Variants in CHML observed in about 807,000 individuals in gnomAD.
CHML encodes the protein CHM like Rab escort protein, also known as rab proteins geranylgeranyltransferase component A 2.
A neutral mutation model predicts 30.4 loss-of-function variants in CHML; 20 were observed. That is an observed-to-expected ratio of 0.66 (90% CI 0.46 to 0.95). CHML has a LOEUF of 0.95. Ranked by LOEUF, CHML falls within the 40% of genes least tolerant of loss-of-function variation. The pLI is 0.00. For missense variants in CHML, 795 were observed against 768.5 expected (o/e 1.03, Z -0.41); for synonymous variants, 281 against 275.0 (o/e 1.02, Z -0.22).
Position 241,632,599 on chromosome 1 carries a change from T to G in CHML, c.*1197A>C, listed in dbSNP as rs962623907. On this transcript the variant is annotated 3_prime_UTR_variant, in exon 2 of 2. Coordinates refer to ENST00000366553, the MANE Select transcript of CHML (RefSeq NM_001381853.1). ...CCAGTTTTATGACGTTGGGTGGCTC[T>G]GGGAGAAAAAAAGTTTCTATACTCT... 3 of 152,024 alleles carry G rather than the reference T, an allele frequency of 2.0e-5. No homozygotes were observed. Among genetic ancestry groups the G allele is most frequent in the Admixed American group, 1.3e-4 (2 of 15,264 alleles). The allele number at this position is 152,024 out of a possible 1,614,324, so 9.4% of individuals were successfully genotyped here.
At position 241,640,018 on chromosome 1, in the gene CHML, G is replaced by C. The variant is rs1405828467; in HGVS notation, c.-444C>G. Reference sequence around the variant, plus strand: ...GGTCGCTGAGGCTGATGTTGACCAGGAGGAGGTGAGTGGGAGTGCGGAGCC... The same window carrying C: ...GGTCGCTGAGGCTGATGTTGACCAGCAGGAGGTGAGTGGGAGTGCGGAGCC... On this transcript the variant is annotated 5_prime_UTR_variant, in exon 1 of 2. Transcript: ENST00000366553. The C allele has an allele frequency of 1.9e-6, 3 of 1,613,434 alleles. No homozygotes were observed. Among genetic ancestry groups the C allele is most frequent in the East Asian group, 2.2e-5 (1 of 44,762 alleles).
chr1:241,630,417 T>G lies in CHML; in HGVS notation c.*3379A>C, dbSNP rs1009191137. 3 of 152,122 alleles carry G rather than the reference T, an allele frequency of 2.0e-5. No individual in the cohort carries two copies. Among genetic ancestry groups the G allele is most frequent in the Non-Finnish European group, 4.4e-5 (3 of 67,942 alleles). The allele number at this position is 152,122 out of a possible 1,614,324, so 9.4% of individuals were successfully genotyped here. ...ATATATATTAATAACCAAACACACT[T>G]TTTAAATTGCAGTTTGTCACTGCTA... is the stretch of plus-strand genomic sequence containing the variant. On this transcript the variant is annotated 3_prime_UTR_variant, in exon 2 of 2. Transcript: ENST00000366553.
Position 241,629,783 on chromosome 1 carries a change from C to T in CHML, c.*4013G>A, listed in dbSNP as rs140782400. 1.1e-3 allele frequency: 161 copies of T among 152,168 alleles called. 2 individuals carry two copies. In the East Asian group the frequency reaches 0.028, roughly 27 times the overall value. 9.4% of individuals were successfully genotyped at this position (152,168 alleles called of 1,614,324 possible). A position where few individuals can be genotyped will look rare whatever the true frequency, so the allele number is the denominator to read the frequency against. On this transcript the variant is annotated 3_prime_UTR_variant, in exon 2 of 2. Coordinates refer to ENST00000366553, the MANE Select transcript of CHML (RefSeq NM_001381853.1). ...CCACACTGACATCTAGCTAGTCTTTCCACCAGCAGTTATTAATATTTCTTT... is the reference window on the plus strand; with the variant it reads ...CCACACTGACATCTAGCTAGTCTTTTCACCAGCAGTTATTAATATTTCTTT...
Position 241,640,283 on chromosome 1 carries a change from G to C in CHML, c.-709C>G. ...CCGGCGCCGGCGCGCCTGGCGGGCG[G>C]AGGCGCTCAGCTTGCGGCGGGGCTC... On this transcript the variant is annotated 5_prime_UTR_variant, in exon 1 of 2. Transcript: ENST00000366553. The C allele has an allele frequency of 1.2e-5, 14 of 1,161,254 alleles. No individual in the cohort carries two copies. The highest frequency in any genetic ancestry group is 1.5e-5 in the Non-Finnish European group (14 of 945,408). 71.9% of individuals were successfully genotyped at this position (1,161,254 alleles called of 1,614,324 possible).
rs1193201364 is a variant in CHML at position 241,636,055 on chromosome 1, T to C, written c.-289A>G. On this transcript the variant is annotated 5_prime_UTR_variant, in exon 2 of 2. Coordinates refer to ENST00000366553, the MANE Select transcript of CHML (RefSeq NM_001381853.1). ...ATGTCAAAATGCATCATATATGCAT[T>C]TGTGACTGGAACTCTTCTCTGAAAG... 5 of 456,320 alleles carry C rather than the reference T, an allele frequency of 1.1e-5. No homozygotes were observed. The highest frequency in any genetic ancestry group is 7.6e-5 in the Admixed American group (2 of 26,278). The allele number at this position is 456,320 out of a possible 1,614,324, so 28.3% of individuals were successfully genotyped here.
Position 241,634,160 on chromosome 1 carries a change from G to A in CHML, c.1607C>T (p.Thr536Ile), listed in dbSNP as rs376250907. ...VKKLFTPYTE[T>I]EINEEELTKP... is the part of the protein sequence containing the mutation. ...TGTAAGTTCTTCCTCGTTTATTTCT[G>A]TTTCAGTATACGGAGTGAATAATTT... The change falls in exon 2 of 2, where the codon ACA becomes ATA. Residue 536 changes from threonine (T) to isoleucine (I), a missense_variant. Transcript: ENST00000366553. 2 of 1,613,596 alleles carry A rather than the reference G, an allele frequency of 1.2e-6. No individual in the cohort carries two copies. The highest frequency in any genetic ancestry group is 2.7e-5 in the African/African-American group (2 of 74,866).
Position 241,635,597 on chromosome 1 carries a change from G to T in CHML, c.170C>A (p.Ser57Tyr), listed in dbSNP as rs746250454. The change falls in exon 2 of 2, where the codon TCC becomes TAC. Residue 57 changes from serine (S) to tyrosine (Y), a missense_variant. By Grantham distance (144) the Ser-to-Tyr change is moderately radical. Transcript: ENST00000366553. ...GTTTTGCTGATACTCCTTCAACCAG[G>T]ATAGCAATCCTGAAAAGCTGAAACT... ...WASFSFSGLLSWLKEYQQNND... is the reference protein window; with the variant it reads ...WASFSFSGLLYWLKEYQQNND... 6 of 1,613,944 alleles carry T rather than the reference G, an allele frequency of 3.7e-6. No homozygotes were observed. Among genetic ancestry groups the T allele is most frequent in the South Asian group, 1.1e-5 (1 of 91,082 alleles).
At position 241,635,914 on chromosome 1, in the gene CHML, A is replaced by C. The variant is rs1664880871; in HGVS notation, c.-148T>G. ...AGCTGTTTAACGGTTACCCTTTTAA[A>C]ATATTTTTTTTCTTATAAGTCAGTA... On this transcript the variant is annotated 5_prime_UTR_variant, in exon 2 of 2. It adds an upstream start codon to the 5' untranslated region. Coordinates refer to ENST00000366553, the MANE Select transcript of CHML (RefSeq NM_001381853.1). 1.1e-5 allele frequency: 8 copies of C among 726,418 alleles called. No homozygotes were observed. The highest frequency in any genetic ancestry group is 1.8e-5 in the Non-Finnish European group (8 of 449,888). The allele number at this position is 726,418 out of a possible 1,614,324, so 45.0% of individuals were successfully genotyped here.
rs1282721726 is a variant in CHML, at chr1:241,630,868, C to G, written c.*2928G>C. Reference sequence around the variant, plus strand: ...TTTTGATGCTGATTTAATGGCTGTTCTGCTTAACACCAGCCTTATAATCCT... The same window carrying G: ...TTTTGATGCTGATTTAATGGCTGTTGTGCTTAACACCAGCCTTATAATCCT... On this transcript the variant is annotated 3_prime_UTR_variant, in exon 2 of 2. Transcript: ENST00000366553. 6.6e-6 allele frequency: 1 copy of G among 152,008 alleles called. No individual in the cohort carries two copies. The highest frequency in any genetic ancestry group is 6.6e-5 in the Admixed American group (1 of 15,254). The allele number at this position is 152,008 out of a possible 1,614,324, so 9.4% of individuals were successfully genotyped here. A position where few individuals can be genotyped will look rare whatever the true frequency, so the allele number is the denominator to read the frequency against.
At position 241,630,985 on chromosome 1, in the gene CHML, CT is replaced by C. The variant is rs764270820; in HGVS notation, c.*2810del. The C allele has an allele frequency of 6.6e-6, 1 of 151,916 alleles. No individual in the cohort carries two copies. The highest frequency in any genetic ancestry group is 1.5e-5 in the Non-Finnish European group (1 of 67,928). 9.4% of individuals were successfully genotyped at this position (151,916 alleles called of 1,614,324 possible). ...GAGAATAAAATCCTTCTAAAAATGTCTTTTAGTACTGAGAACATGTCTGCCT... is the reference window on the plus strand; with the variant it reads ...GAGAATAAAATCCTTCTAAAAATGTCTTTAGTACTGAGAACATGTCTGCCT... On this transcript the variant is annotated 3_prime_UTR_variant, in exon 2 of 2. Transcript: ENST00000366553.
At chr1:241,638,137 C>G (rs1573970387) in intron 1 of CHML, among the ~76,000 whole-genome samples, 1 of 152,196 alleles carries the variant, frequency 6.6e-6, no homozygotes, top group Non-Finnish European at 1.5e-5. Context: ...GTTTCCACCT[C>G]TACATTAAAA....
At position 241,629,456 on chromosome 1, in the gene CHML, C is replaced by T. The variant is rs1664531487; in HGVS notation, c.*4340G>A. The T allele has an allele frequency of 6.6e-6, 1 of 152,038 alleles. No individual in the cohort carries two copies. The highest frequency in any genetic ancestry group is 2.4e-5 in the African/African-American group (1 of 41,402). 9.4% of individuals were successfully genotyped at this position (152,038 alleles called of 1,614,324 possible). ...TACCATTCAAATTGATTTTTTATAT[C>T]ATTTATACACGATCGCTTTATAAAT... On this transcript the variant is annotated 3_prime_UTR_variant, in exon 2 of 2. Transcript: ENST00000366553.
chr1:241,628,877 CTT>C lies in CHML; in HGVS notation c.*4917_*4918del, dbSNP rs1558445298. ...TCAGTAAACCACTTTACCAATTAAT[CTT>C]TTATTTTTTATTGCATACATCAATA... On this transcript the variant is annotated 3_prime_UTR_variant, in exon 2 of 2. Transcript: ENST00000366553. 2.6e-5 allele frequency: 4 copies of C among 152,516 alleles called. No homozygotes were observed. Among genetic ancestry groups the C allele is most frequent in the African/African-American group, 9.7e-5 (4 of 41,438 alleles). The allele number at this position is 152,516 out of a possible 1,614,324, so 9.4% of individuals were successfully genotyped here.
In CHML at chr1:241,640,225, G is replaced by A. The variant is rs1391388187; in HGVS notation, c.-651C>T. 1.4e-5 allele frequency: 19 copies of A among 1,329,058 alleles called. No homozygotes were observed. Among genetic ancestry groups the A allele is most frequent in the South Asian group, 2.0e-5 (1 of 49,336 alleles). 82.3% of individuals were successfully genotyped at this position (1,329,058 alleles called of 1,614,324 possible). On this transcript the variant is annotated 5_prime_UTR_variant, in exon 1 of 2. It adds an upstream start codon to the 5' untranslated region. Coordinates refer to ENST00000366553, the MANE Select transcript of CHML (RefSeq NM_001381853.1). Reference sequence around the variant, plus strand: ...CGGCCCCGCCGCCGTCCCAGTAGCCGTGGCCGCCGCTGCGGTTCCCCGAGT... The same window carrying A: ...CGGCCCCGCCGCCGTCCCAGTAGCCATGGCCGCCGCTGCGGTTCCCCGAGT...
At position 241,634,273 on chromosome 1, in the gene CHML, G is replaced by A. The variant is rs1205797324; in HGVS notation, c.1494C>T (p.Thr498=). 1 of 1,613,914 alleles carries A rather than the reference G, an allele frequency of 6.2e-7. No homozygotes were observed. The highest frequency in any genetic ancestry group is 8.5e-7 in the Non-Finnish European group (1 of 1,179,912). The change falls in exon 2 of 2, where the codon ACC becomes ACT. Residue 498 remains threonine, a synonymous_variant. Coordinates refer to ENST00000366553, the MANE Select transcript of CHML (RefSeq NM_001381853.1). ...GATAGGTGTCCTTCATGCATGTCAT[G>A]GTTGAAGAACATAATTCTGTGACCC... ...AVRVTELCSS[T]MTCMKDTYLV...
At position 241,634,139 on chromosome 1, in the gene CHML, A is replaced by C. The variant is rs775779940; in HGVS notation, c.1628T>G (p.Leu543Arg). 1 of 1,613,042 alleles carries C rather than the reference A, an allele frequency of 6.2e-7. No individual in the cohort carries two copies. Among genetic ancestry groups the C allele is most frequent in the Admixed American group, 1.7e-5 (1 of 59,788 alleles). Reference protein sequence around the residue: ...YTETEINEEELTKPRLLWALY... With the variant: ...YTETEINEEERTKPRLLWALY... ...AGCCCACAAGAGTCTTGGCTTTGTA[A>C]GTTCTTCCTCGTTTATTTCTGTTTC... Residue 543 changes from leucine (L) to arginine (R), a missense_variant, in exon 2 of 2, where the codon CTT becomes CGT. Physicochemically the swap from Leu to Arg is moderately radical, Grantham distance 102. Transcript: ENST00000366553.
rs901109461 is a variant in CHML at position 241,631,903 on chromosome 1, G to C, written c.*1893C>G. The C allele has an allele frequency of 2.0e-5, 3 of 152,122 alleles. No individual in the cohort carries two copies. Among genetic ancestry groups the C allele is most frequent in the Admixed American group, 2.0e-4 (3 of 15,272 alleles). 9.4% of individuals were successfully genotyped at this position (152,122 alleles called of 1,614,324 possible). A position where few individuals can be genotyped will look rare whatever the true frequency, so the allele number is the denominator to read the frequency against. The stretch of plus-strand genomic sequence containing the variant: ...CTCTAACAGTGAATGTTAGTAGAAA[G>C]ATCAAAGGTTTTAGAATCACAAAAG... On this transcript the variant is annotated 3_prime_UTR_variant, in exon 2 of 2. Coordinates refer to ENST00000366553, the MANE Select transcript of CHML (RefSeq NM_001381853.1).
chr1:241,635,607 C>G lies in CHML; in HGVS notation c.160G>C (p.Gly54Arg), dbSNP rs1558448332. 3 of 1,614,078 alleles carry G rather than the reference C, an allele frequency of 1.9e-6. No homozygotes were observed. The highest frequency in any genetic ancestry group is 2.5e-6 in the Non-Finnish European group (3 of 1,179,932). The change falls in exon 2 of 2, where the codon GGA becomes CGA. Residue 54 changes from glycine to arginine, a missense_variant. Physicochemically the swap from Gly to Arg is moderately radical, Grantham distance 125 (BLOSUM62 -2). Transcript: ENST00000366553. ...TACTCCTTCAACCAGGATAGCAATC[C>G]TGAAAAGCTGAAACTAGCCCAGTTT... is the stretch of plus-strand genomic sequence containing the variant. Reference protein sequence around the residue: ...GGNWASFSFSGLLSWLKEYQQ... With the variant: ...GGNWASFSFSRLLSWLKEYQQ...
In CHML at chr1:241,635,095, T is replaced by C; in HGVS notation, c.672A>G (p.Lys224=). ...AATCAATATTAAACCTCCTGCCTTC[T>C]TTAACTATTTGAGAGTAAGTAATCC... ...RNRITYSQIV[K]EGRRFNIDLV... is the part of the protein sequence containing the mutation. Residue 224 remains lysine (K), a synonymous_variant, in exon 2 of 2, where the codon AAA becomes AAG. Coordinates refer to ENST00000366553, the MANE Select transcript of CHML (RefSeq NM_001381853.1). The C allele has an allele frequency of 6.2e-7, 1 of 1,612,848 alleles. No homozygotes were observed. Among genetic ancestry groups the C allele is most frequent in the Non-Finnish European group, 8.5e-7 (1 of 1,179,888 alleles).
Sources: allele counts gnomAD v4.1 joint callset (sites outside exome capture counted in the v4.1 genomes callset), GRCh38; gene constraint gnomAD v4.1.1; transcripts MANE v1.5; gene names NCBI Gene and HGNC (gene_info 2026-07-23, HGNC 2026-07-21).